Variants in USP47 observed in about 807,000 individuals in gnomAD.
USP47 encodes the protein ubiquitin specific peptidase 47.
In USP47, 35 loss-of-function variants were observed where a neutral mutation model predicts 165.1. The ratio of observed to expected loss-of-function variants is 0.21; its 90% CI spans 0.16 to 0.28. The LOEUF (loss-of-function observed/expected upper bound fraction) is 0.28. Among genes scored for constraint, USP47 ranks in the 10% least tolerant of loss-of-function variants. The pLI is 1.00. For synonymous variants in USP47, 531 were observed against 544.5 expected (o/e 0.98, Z 0.35); for missense variants, 1,277 against 1,607.4 (o/e 0.79, Z 3.52).
At chr11:11,859,832 C>T (rs1388751728) in intron 1 of USP47, among the ~76,000 whole-genome samples, 4 of 151,926 alleles carry the variant, frequency 2.6e-5, no homozygotes, top group East Asian at 1.9e-4. Context: ...GGCCAGGCAC[C>T]GTGGCTCACG....
intron 11 of USP47, among the ~76,000 whole-genome samples, chr11:11,927,464 CAG>C (rs1854336117): frequency 6.6e-6 from 1 of 152,078 alleles, no homozygotes; most frequent in African/African-American, 2.4e-5. Flanking sequence ...ACTATAATGA[CAG>C]AGTTGAGTAG....
At chr11:11,878,385 A>C (rs1364313747) in intron 1 of USP47, among the ~76,000 whole-genome samples, 1 of 152,200 alleles carries the variant, frequency 6.6e-6, no homozygotes, top group Admixed American at 6.6e-5. Context: ...CCTGAAGTAT[A>C]CTATTGAATC....
At chr11:11,867,328 C>T (rs1763156381) in intron 1 of USP47, among the ~76,000 whole-genome samples, 1 of 151,850 alleles carries the variant, frequency 6.6e-6, no homozygotes, top group South Asian at 2.1e-4. Context: ...TTAAATATTC[C>T]CTCTGCTTTC....
chr11:11,855,030 G>A (rs1848954387), intron 1 of USP47, among the ~76,000 whole-genome samples: 2 of 151,796 alleles, frequency 1.3e-5, no homozygotes, highest in Admixed American at 1.3e-4. Flanking sequence ...GGGAGGCGGA[G>A]TTTGCAGTGA....
rs759019094 is a variant in USP47, at chr11:11,940,471, C to T, written c.2236C>T (p.Arg746Cys). ...PAETMRIVLE[R>C]CYNDLRLLSV... ...TGAAACAATGAGAATAGTGCTGGAA[C>T]GCTGCTACAATGATTTGCGTCTTCT... The change falls in exon 19 of 28, where the codon CGC becomes TGC. Residue 746 changes from arginine to cysteine, a missense_variant. This residue lies in a region of USP47 where 909 missense variants were observed against 1,068.1 expected (regional missense o/e 0.85). Transcript: ENST00000527733. 8.7e-6 allele frequency: 14 copies of T among 1,611,734 alleles called. No homozygotes were observed. The highest frequency in any genetic ancestry group is 1.6e-4 in the Middle Eastern group (1 of 6,074).
chr11:11,871,061 GT>G (rs959622960), intron 1 of USP47, among the ~76,000 whole-genome samples: 9 of 152,112 alleles, frequency 5.9e-5, no homozygotes, highest in Admixed American at 4.6e-4. Context: ...TTTGTAAACA[GT>G]TTGATCCTTT....
rs1332026249 is a variant in USP47 at position 11,920,259 on chromosome 11, C to G, written c.1065+8C>G. The stretch of plus-strand genomic sequence containing the variant: ...AAGTGTGATGCACGGAAGGTAAATG[C>G]CATGTAGAGATTAATACTTAGGAAT... On this transcript the variant is annotated splice_region_variant and intron_variant, in intron 9 of 27. Coordinates refer to ENST00000527733, the MANE Select transcript of USP47 (RefSeq NM_001282659.2). 2 of 1,608,380 alleles carry G rather than the reference C, an allele frequency of 1.2e-6. No homozygotes were observed. The highest frequency in any genetic ancestry group is 3.4e-5 in the Admixed American group (2 of 59,274).
chr11:11,960,704 G>A lies in USP47; in HGVS notation c.*4529G>A, dbSNP rs1847415265. On this transcript the variant is annotated 3_prime_UTR_variant, in exon 28 of 28. Coordinates refer to ENST00000527733, the MANE Select transcript of USP47 (RefSeq NM_001282659.2). ...CTTTATACAGGGCAATTGTGCTGCT[G>A]CTGCTGAGGTGGCCACTTTCAGCAA... 6.6e-6 allele frequency among the ~76,000 whole-genome samples: 1 copy of A among 152,198 alleles called. No homozygotes were observed. The highest frequency in any genetic ancestry group is 1.5e-5 in the Non-Finnish European group (1 of 68,036).
At chr11:11,850,200 A>C (rs976045938) in intron 1 of USP47, among the ~76,000 whole-genome samples, 5 of 149,680 alleles carry the variant, frequency 3.3e-5, no homozygotes, top group Admixed American at 6.6e-5. Context: ...CCTCTCCTTC[A>C]TTTTATCTCT....
At chr11:11,939,187 G>A (rs1445530955) in intron 18 of USP47, among the ~76,000 whole-genome samples, 1 of 151,870 alleles carries the variant, frequency 6.6e-6, no homozygotes, top group Non-Finnish European at 1.5e-5. Flanking sequence ...TCCTTACAAG[G>A]GTCCTGTACT....
chr11:11,942,857 C>T lies in USP47; in HGVS notation c.2836C>T (p.His946Tyr), dbSNP rs1216372744. 1 of 1,613,578 alleles carries T rather than the reference C, an allele frequency of 6.2e-7. No homozygotes were observed. Among genetic ancestry groups the T allele is most frequent in the Non-Finnish European group, 8.5e-7 (1 of 1,179,774 alleles). The change falls in exon 20 of 28, where the codon CAT becomes TAT. Residue 946 changes from histidine to tyrosine, a missense_variant. His to Tyr is a moderately conservative substitution (Grantham distance 83). Coordinates refer to ENST00000527733, the MANE Select transcript of USP47 (RefSeq NM_001282659.2). ...GGACAGTGATATTCTTAGCTCCAGT[C>T]ATAGCAGTGATACTTTGTGCAATGC... ...SVDSDILSSS[H>Y]SSDTLCNADN...
chr11:11,866,125 A>G (rs1849664023), intron 1 of USP47, among the ~76,000 whole-genome samples: 1 of 152,144 alleles, frequency 6.6e-6, no homozygotes, highest in Non-Finnish European at 1.5e-5. Context: ...GTTTTCTTCT[A>G]AGAGTTTTTA....
chr11:11,873,287 TA>T (rs1483653066), intron 1 of USP47, among the ~76,000 whole-genome samples: 1 of 152,178 alleles, frequency 6.6e-6, no homozygotes, highest in Non-Finnish European at 1.5e-5. Context: ...ATCTCTTGAT[TA>T]TAGGTTACTT....
chr11:11,873,365 A>G (rs1323897059), intron 1 of USP47, among the ~76,000 whole-genome samples: 4 of 152,112 alleles, frequency 2.6e-5, no homozygotes, highest in Admixed American at 6.5e-5. Context: ...AAGGAGATAT[A>G]TATTAAAATA....
At chr11:11,925,308 C>T (rs1854156243) in intron 11 of USP47, among the ~76,000 whole-genome samples, 1 of 152,028 alleles carries the variant, frequency 6.6e-6, no homozygotes, top group South Asian at 2.1e-4. Context: ...TGGGGTTTCA[C>T]CATGTTAGCC....
chr11:11,886,437 T>C (rs10831694), intron 3 of USP47, among the ~76,000 whole-genome samples: 119,223 of 152,212 alleles, frequency 0.78, 47,406 homozygotes, highest in African/African-American at 0.93. Flanking sequence ...ACAAGAACTT[T>C]ACAGTGCAAT....
intron 14 of USP47, 68 bp from the exon 15 acceptor site, chr11:11,932,936 T>G: frequency 8.6e-7 from 1 of 1,157,130 alleles, no homozygotes; most frequent in Non-Finnish European, 1.3e-6. Context: ...GAGAGCATAG[T>G]GAAGCAGGAT....
chr11:11,944,622 TTAAG>T (rs905511628), intron 20 of USP47, among the ~76,000 whole-genome samples: 1 of 152,160 alleles, frequency 6.6e-6, no homozygotes, highest in Non-Finnish European at 1.5e-5. Flanking sequence ...GTCAAACAGA[TTAAG>T]TAATTTGCCT....
chr11:11,903,251 A>T lies in USP47; in HGVS notation c.740-12A>T. ...TTATAGCTATTTCTAATTGAATTTT[A>T]TCTTAAAACAGCTTGGCAGCAGCAT... On this transcript the variant is annotated splice_polypyrimidine_tract_variant and intron_variant, in intron 6 of 27. Coordinates refer to ENST00000527733, the MANE Select transcript of USP47 (RefSeq NM_001282659.2). 1 of 1,605,212 alleles carries T rather than the reference A, an allele frequency of 6.2e-7. No homozygotes were observed. The highest frequency in any genetic ancestry group is 1.1e-5 in the South Asian group (1 of 88,652).
Sources: gnomAD v4.1 joint callset for allele counts (sites outside exome capture counted in the v4.1 genomes callset) on GRCh38, gnomAD v4.1.1 for gene constraint, gnomAD v4.1.1 regional missense constraint, MANE v1.5 for transcripts, NCBI Gene and HGNC (gene_info 2026-07-23, HGNC 2026-07-21) for gene names.